SHQ1: variants seen among roughly 807,000 people sequenced by gnomAD.
SHQ1 encodes SHQ1, H/ACA ribonucleoprotein assembly factor.
A neutral mutation model predicts 53.8 loss-of-function variants in SHQ1; 49 were observed. The ratio of observed to expected loss-of-function variants is 0.91; its 90% CI spans 0.72 to 1.16. The LOEUF is 1.16. Among genes scored for constraint, SHQ1 ranks in the 50% most tolerant of loss-of-function variants. SHQ1 has a pLI of 0.00. For missense variants in SHQ1, 738 were observed against 683.1 expected, an observed-to-expected ratio of 1.08 and a Z score of -0.90; for synonymous variants, 243 against 251.0, an observed-to-expected ratio of 0.97 and a Z score of 0.30.
chr3:72,750,686 C>T lies in SHQ1; in HGVS notation c.1332G>A (p.Gly444=). ...CAGAGCTGGAGCAAAGTGTCTGCTG[C>T]CCAGAAACTGAATGGGCTGCTTTTA... ...TALKAAHSVS[G]QQTLCSSSEA... Residue 444 remains glycine (G), a synonymous_variant, in exon 11 of 11, where the codon GGG becomes GGA. Coordinates refer to ENST00000325599, the MANE Select transcript of SHQ1 (RefSeq NM_018130.3). The T allele has an allele frequency of 6.2e-7, 1 of 1,603,718 alleles. No homozygotes were observed.
Position 72,751,539 on chromosome 3 carries a change from T to TATATATATAC in SHQ1, c.1182-704_1182-703insGTATATATAT, listed in dbSNP as rs1456991894. ...ATATATATATATATATACATATACA[T>TATATATATAC]ACACTAATAAAGCCTAACTCTCCTA... On this transcript the variant is annotated intron_variant, in intron 10 of 10. Transcript: ENST00000325599. Among the ~76,000 whole-genome samples, 289 of 120,136 alleles carry TATATATATAC rather than the reference T, an allele frequency of 2.4e-3. 6 individuals are homozygous for TATATATATAC. The highest frequency in any genetic ancestry group is 9.9e-3 in the African/African-American group (269 of 27,242). 78.8% of individuals were successfully genotyped at this position (120,136 alleles called of 152,430 possible).
At chr3:72,737,721 G>GA in the SHQ1 span, among the ~76,000 whole-genome samples, 1 of 152,000 alleles carries the variant, frequency 6.6e-6, no homozygotes, top group Admixed American at 6.5e-5. Context: ...ATAATGACAC[G>GA]AAAAAAAGTC....
intron 9 of SHQ1, chr3:72,793,273 C>T (rs1007954979): frequency 7.2e-5 from 22 of 305,642 alleles, no homozygotes; most frequent in Non-Finnish European, 1.2e-4. Context: ...TTTGGGAGGC[C>T]GAGGCGGGCA....
intron 4 of SHQ1, among the ~76,000 whole-genome samples, chr3:72,834,599 G>A (rs1707934576): frequency 6.6e-6 from 1 of 152,136 alleles, no homozygotes. Context: ...AACATTCTGG[G>A]CAAAAACCAG....
intron 10 of SHQ1, chr3:72,772,528 C>T (rs1470754847): frequency 6.2e-6 from 4 of 642,606 alleles, no homozygotes; most frequent in African/African-American, 1.8e-5. Context: ...ACAAGTCGTA[C>T]ACAACCTAAG....
At chr3:72,726,457 A>G in the SHQ1 span, among the ~76,000 whole-genome samples, 1 of 152,092 alleles carries the variant, frequency 6.6e-6, no homozygotes, top group Admixed American at 6.5e-5. Flanking sequence ...GGCTCAAGCA[A>G]TTCTCCTGCC....
At chr3:72,844,237 GTGATAGGAACAGATTGTATT>G in intron 2 of SHQ1, 102 bp downstream of exon 2, 1 of 756,612 alleles carries the variant, frequency 1.3e-6, no homozygotes, top group Non-Finnish European at 2.2e-6. Flanking sequence ...ACAAGAAAGA[GTGATAGGAACAGATTGTATT>G]TGAAAGACAT....
intron 10 of SHQ1, among the ~76,000 whole-genome samples, chr3:72,770,226 C>T (rs1011608640): frequency 1.3e-5 from 2 of 152,184 alleles, no homozygotes; most frequent in African/African-American, 2.4e-5. Context: ...ATCTAATTTT[C>T]CTAATTCTCC....
the SHQ1 span, among the ~76,000 whole-genome samples, chr3:72,725,295 A>C: frequency 6.6e-6 from 1 of 152,162 alleles, no homozygotes; most frequent in African/African-American, 2.4e-5. Context: ...GGCTTTATTC[A>C]GCCTCTCCAA....
At chr3:72,824,710 C>T (rs139722227) in intron 5 of SHQ1, among the ~76,000 whole-genome samples, 159 bp from the exon 6 acceptor site, 2 of 151,652 alleles carry the variant, frequency 1.3e-5, no homozygotes, top group African/African-American at 4.8e-5. Context: ...TTTGTAGTTA[C>T]TAACCACAAA....
intron 2 of SHQ1, among the ~76,000 whole-genome samples, chr3:72,842,834 G>A (rs141112022): frequency 0.03 from 4,534 of 152,178 alleles, 198 homozygotes; most frequent in African/African-American, 0.089. Flanking sequence ...CCAGCACTTC[G>A]GGAGGCCGAG....
chr3:72,787,863 C>T (rs1706288414), intron 10 of SHQ1, among the ~76,000 whole-genome samples: 1 of 152,180 alleles, frequency 6.6e-6, no homozygotes, highest in African/African-American at 2.4e-5. Flanking sequence ...TGCAGGCGTG[C>T]GCCGCCACGC....
intron 4 of SHQ1, among the ~76,000 whole-genome samples, chr3:72,839,882 T>G (rs1479403212): frequency 6.6e-6 from 1 of 151,728 alleles, no homozygotes; most frequent in East Asian, 2.0e-4. Context: ...TGCCTCAGCC[T>G]CCTGAGTAGC....
At chr3:72,841,313 G>T in intron 3 of SHQ1, 114 bp from the exon 4 acceptor site, 1 of 707,970 alleles carries the variant, frequency 1.4e-6, no homozygotes, top group Non-Finnish European at 2.2e-6. Flanking sequence ...TATACCAAAT[G>T]TACTAAAAGA....
In SHQ1 at chr3:72,750,094, T is replaced by C; in HGVS notation, c.*190A>G. On this transcript the variant is annotated 3_prime_UTR_variant, in exon 11 of 11. Transcript: ENST00000325599. ...AACAAGAAAAAAGTCTGTACATGTT[T>C]GGTACAGATGCGATTTTTTCTTCAA... is the stretch of plus-strand genomic sequence containing the variant. The C allele has an allele frequency of 1.7e-6, 1 of 584,734 alleles. No homozygotes were observed. Among genetic ancestry groups the C allele is most frequent in the Non-Finnish European group, 3.0e-6 (1 of 333,564 alleles). 36.2% of individuals were successfully genotyped at this position (584,734 alleles called of 1,614,324 possible). A position where few individuals can be genotyped will look rare whatever the true frequency, so the allele number is the denominator to read the frequency against.
At position 72,824,045 on chromosome 3, in the gene SHQ1, C is replaced by T. The variant is rs561434979; in HGVS notation, c.727+379G>A. On this transcript the variant is annotated intron_variant, in intron 6 of 10. Transcript: ENST00000325599. ...GTCTTTTCCCACTTGGGTCTTCCCC[C>T]CGCCCGTTACTAATACTCAAATGTC... is the stretch of plus-strand genomic sequence containing the variant. Among the ~76,000 whole-genome samples, 81 of 152,280 alleles carry T rather than the reference C, an allele frequency of 5.3e-4. No homozygotes were observed. The South Asian group carries it at 0.017, about 31-fold the overall frequency.
intron 10 of SHQ1, among the ~76,000 whole-genome samples, chr3:72,775,355 C>T (rs1181264689): frequency 6.6e-6 from 1 of 150,796 alleles, no homozygotes; most frequent in African/African-American, 2.4e-5. Context: ...TAAAACCTAT[C>T]AAAACTGACT....
the SHQ1 span, among the ~76,000 whole-genome samples, chr3:72,734,798 G>A: frequency 6.6e-6 from 1 of 151,508 alleles, no homozygotes; most frequent in Admixed American, 6.6e-5. Flanking sequence ...AGACCACCAG[G>A]GATCGTCGCA....
At chr3:72,827,271 T>A (rs903145130) in intron 5 of SHQ1, among the ~76,000 whole-genome samples, 2 of 151,928 alleles carry the variant, frequency 1.3e-5, no homozygotes, top group Non-Finnish European at 2.9e-5. Context: ...AACAGACCCA[T>A]CCAATAGGTA....
Sources: allele counts gnomAD v4.1 joint callset (sites outside exome capture counted in the v4.1 genomes callset), GRCh38; gene constraint gnomAD v4.1.1; transcripts MANE v1.5; gene names NCBI Gene and HGNC (gene_info 2026-07-23, HGNC 2026-07-21).